The following QRSL1 variants were observed in gnomAD, a reference collection of about 807,000 sequenced individuals.
QRSL1 encodes glutamyl-tRNA(Gln) amidotransferase subunit A, mitochondrial.
Under a neutral mutation model 61.6 loss-of-function variants are expected in QRSL1, and 54 were observed. The ratio of observed to expected loss-of-function variants is 0.88; its 90% CI spans 0.70 to 1.10. QRSL1 has a LOEUF of 1.10. QRSL1 is among the 50% of genes least tolerant of loss of function. The pLI, the probability that QRSL1 is intolerant of heterozygous loss-of-function variation, is 0.00. For synonymous variants in QRSL1, 228 were observed against 225.7 expected (o/e 1.01, Z -0.09); for missense variants, 505 against 622.6 (o/e 0.81, Z 2.01).
At chr6:106,650,887 G>C (rs745835641) in intron 5 of QRSL1, among the ~76,000 whole-genome samples, 106 of 152,232 alleles carry the variant, frequency 7.0e-4, no homozygotes, top group Non-Finnish European at 1.3e-3. Context: ...AATTTTTATA[G>C]TAGATATGTA....
intron 5 of QRSL1, among the ~76,000 whole-genome samples, chr6:106,651,738 G>T (rs1777190079): frequency 1.3e-5 from 2 of 152,056 alleles, no homozygotes; most frequent in African/African-American, 4.8e-5. Context: ...AAAGCATACT[G>T]CAAAATTGCC....
chr6:106,649,198 A>ACG lies in QRSL1; in HGVS notation c.557_557+1dup. 1 of 1,613,916 alleles carries ACG rather than the reference A, an allele frequency of 6.2e-7. No homozygotes were observed. The highest frequency in any genetic ancestry group is 8.5e-7 in the Non-Finnish European group (1 of 1,179,940). Reference sequence around the variant, plus strand: ...GCTGCTGTATCGGCGTTCACATGCTACGCGTAAGATGCTTTTCTCTATCTG... The same window carrying ACG: ...GCTGCTGTATCGGCGTTCACATGCTACGCGCGTAAGATGCTTTTCTCTATCTG... On this transcript the variant is annotated frameshift_variant, in exon 5 of 11. Transcript: ENST00000369046. LOFTEE classifies it high-confidence loss of function.
intron 1 of QRSL1, among the ~76,000 whole-genome samples, chr6:106,639,113 T>G (rs1381691774): frequency 9.1e-5 from 7 of 77,060 alleles, no homozygotes; most frequent in African/African-American, 3.7e-4. Flanking sequence ...ATTTGTGTGT[T>G]TTGTTGTTTT....
At chr6:106,630,142 C>G (rs550627918) in intron 1 of QRSL1, among the ~76,000 whole-genome samples, 73 of 152,288 alleles carry the variant, frequency 4.8e-4, no homozygotes, top group Non-Finnish European at 8.7e-4. Flanking sequence ...AGAATTCGTT[C>G]TCTAGGATTT....
intron 9 of QRSL1, among the ~76,000 whole-genome samples, chr6:106,658,547 C>T (rs1777306549): frequency 2.0e-5 from 3 of 151,866 alleles, no homozygotes; most frequent in Non-Finnish European, 2.9e-5. Context: ...GAGCGAGAGC[C>T]CATCTCTTTA....
chr6:106,630,896 TATC>T (rs1171632111), intron 1 of QRSL1, among the ~76,000 whole-genome samples: 1 of 152,232 alleles, frequency 6.6e-6, no homozygotes, highest in African/African-American at 2.4e-5. Context: ...ATTATTATGT[TATC>T]ATTTTAAATT....
intron 9 of QRSL1, among the ~76,000 whole-genome samples, chr6:106,661,315 C>T (rs1249622408): frequency 6.6e-6 from 1 of 152,050 alleles, no homozygotes; most frequent in East Asian, 1.9e-4. Flanking sequence ...CAGGATTTCA[C>T]CATGTTGGTC....
chr6:106,661,686 C>CTTTTTTTT lies in QRSL1; in HGVS notation c.1161-1266_1161-1259dup, dbSNP rs572306794. Among the ~76,000 whole-genome samples the CTTTTTTTT allele has an allele frequency of 2.0e-4, 11 of 55,094 alleles. 1 individual carries two copies. The highest frequency in any genetic ancestry group is 3.8e-4 in the African/African-American group (6 of 15,934). The allele number at this position is 55,094 out of a possible 152,430, so 36.1% of individuals were successfully genotyped here. ...CTGTTGTGGAAAAGAATGGTTAGTT[C>CTTTTTTTT]TTTTTTTTTTTTTTTTTTTTTTTTT... is the stretch of plus-strand genomic sequence containing the variant. On this transcript the variant is annotated intron_variant, in intron 9 of 10. Coordinates refer to ENST00000369046, the MANE Select transcript of QRSL1 (RefSeq NM_018292.5).
intron 9 of QRSL1, among the ~76,000 whole-genome samples, chr6:106,658,617 T>C (rs1777308146): frequency 6.6e-6 from 1 of 152,222 alleles, no homozygotes; most frequent in South Asian, 2.1e-4. Context: ...TCCATTGTCT[T>C]CTGGCTTACA....
In QRSL1 at chr6:106,655,752, A is replaced by C; in HGVS notation, c.1160+20A>C. On this transcript the variant is annotated intron_variant, in intron 9 of 10. Transcript: ENST00000369046. ...AAAAGAGTAAGACAACTCATTTAGG[A>C]ATTTTCTTCATTCTTGAAACCTCAA... 2 of 1,467,606 alleles carry C rather than the reference A, an allele frequency of 1.4e-6. No homozygotes were observed. The highest frequency in any genetic ancestry group is 3.4e-5 in the Admixed American group (2 of 59,306). The allele number at this position is 1,467,606 out of a possible 1,614,324, so 90.9% of individuals were successfully genotyped here. A position where few individuals can be genotyped will look rare whatever the true frequency, so the allele number is the denominator to read the frequency against.
chr6:106,639,991 CT>C (rs756405043), intron 1 of QRSL1: 16 of 167,384 alleles, frequency 9.6e-5, no homozygotes, highest in Non-Finnish European at 1.7e-4. Context: ...TGTGTTGCAG[CT>C]AAGCTACCCT....
chr6:106,644,011 A>G (rs1431187099), intron 4 of QRSL1, among the ~76,000 whole-genome samples: 2 of 151,700 alleles, frequency 1.3e-5, no homozygotes, highest in African/African-American at 4.8e-5. Flanking sequence ...AGCTGGGACT[A>G]CAGGCATGCC....
chr6:106,664,991 G>T (rs1233149557), intron 10 of QRSL1, among the ~76,000 whole-genome samples: 2 of 152,094 alleles, frequency 1.3e-5, no homozygotes, highest in African/African-American at 4.8e-5. Flanking sequence ...TTAGCTAGCA[G>T]TATTCTCTAA....
intron 3 of QRSL1, chr6:106,642,565 T>G: frequency 1.4e-6 from 1 of 734,366 alleles, no homozygotes; most frequent in Non-Finnish European, 2.5e-6. Flanking sequence ...ATAAGAAAGG[T>G]GATGTGGACA....
At chr6:106,638,955 G>A (rs1776965430) in intron 1 of QRSL1, among the ~76,000 whole-genome samples, 1 of 152,086 alleles carries the variant, frequency 6.6e-6, no homozygotes, top group South Asian at 2.1e-4. Flanking sequence ...GCTTCCAATA[G>A]AGTAGAGATA....
At chr6:106,663,893 G>A (rs899719738) in intron 10 of QRSL1, among the ~76,000 whole-genome samples, 3 of 152,160 alleles carry the variant, frequency 2.0e-5, no homozygotes, top group Non-Finnish European at 4.4e-5. Context: ...TCACCTGGAT[G>A]TAATCTTGTT....
chr6:106,656,521 G>A (rs551118595), intron 9 of QRSL1, among the ~76,000 whole-genome samples: 1 of 152,330 alleles, frequency 6.6e-6, no homozygotes, highest in South Asian at 2.1e-4. Context: ...ACCACCAAGT[G>A]TGTCTAAGAG....
chr6:106,630,798 G>A (rs1269456148), intron 1 of QRSL1, among the ~76,000 whole-genome samples: 1 of 152,134 alleles, frequency 6.6e-6, no homozygotes, highest in Non-Finnish European at 1.5e-5. Flanking sequence ...CCAGCTGGCA[G>A]CGTGGAATTA....
At chr6:106,664,359 G>A (rs890847227) in intron 10 of QRSL1, among the ~76,000 whole-genome samples, 1 of 152,056 alleles carries the variant, frequency 6.6e-6, no homozygotes, top group African/African-American at 2.4e-5. Flanking sequence ...CTATACTTTT[G>A]CTTACTGTGT....
Sources: gnomAD v4.1 joint callset for allele counts (sites outside exome capture counted in the v4.1 genomes callset) on GRCh38, gnomAD v4.1.1 for gene constraint, MANE v1.5 for transcripts, NCBI Gene and HGNC (gene_info 2026-07-23, HGNC 2026-07-21) for gene names.